ASTN2: variants seen among roughly 807,000 people sequenced by gnomAD.
The protein encoded by ASTN2 is astrotactin-2.
ASTN2 carries 54 observed loss-of-function variants against 139.8 expected under a neutral mutation model. The observed-to-expected ratio is 0.39, with a 90% confidence interval of 0.31 to 0.48. The LOEUF (loss-of-function observed/expected upper bound fraction) is 0.48, where lower values mean the gene tolerates loss of function less well. ASTN2 is among the 20% of genes least tolerant of loss of function. ASTN2 has a pLI of 0.95. For synonymous variants in ASTN2, 756 were observed against 719.5 expected (o/e 1.05, Z -0.81); for missense variants, 1,565 against 1,725.1 (o/e 0.91, Z 1.64).
intron 10 of ASTN2, among the ~76,000 whole-genome samples, chr9:116,974,109 G>A (rs1928988): frequency 0.018 from 2,813 of 152,212 alleles, 98 homozygotes; most frequent in African/African-American, 0.065. Flanking sequence ...GAGCCAATAA[G>A]CTGTGTACAA....
At chr9:117,403,012 C>A (rs1310812084) in intron 1 of ASTN2, among the ~76,000 whole-genome samples, 1 of 152,164 alleles carries the variant, frequency 6.6e-6, no homozygotes, top group African/African-American at 2.4e-5. Flanking sequence ...AGGCTAGAGC[C>A]TCGAGGGAGG....
chr9:116,506,570 C>T (rs1487202961), intron 19 of ASTN2, among the ~76,000 whole-genome samples: 1 of 152,042 alleles, frequency 6.6e-6, no homozygotes, highest in South Asian at 2.1e-4. Flanking sequence ...AGCTCTGGCC[C>T]TCATCTGGGA....
At chr9:116,581,008 T>C (rs1853927069) in intron 19 of ASTN2, among the ~76,000 whole-genome samples, 1 of 152,092 alleles carries the variant, frequency 6.6e-6, no homozygotes, top group Admixed American at 6.5e-5. Context: ...TACAAGTGAA[T>C]TGAAGTTTTG....
In ASTN2 at chr9:117,038,849, T is replaced by C. The variant is rs1220300894; in HGVS notation, c.1423+970A>G. Among the ~76,000 whole-genome samples, 3 of 152,158 alleles carry C rather than the reference T, an allele frequency of 2.0e-5. No individual in the cohort carries two copies. The East Asian group carries it at 5.8e-4, about 29-fold the overall frequency. ...TAGATAGTAACCACCTTAATCAGGG[T>C]CTTGGACCATGCTTTGCTAATGACT... On this transcript the variant is annotated intron_variant, in intron 6 of 22. Coordinates refer to ENST00000313400, the MANE Select transcript of ASTN2 (RefSeq NM_001365068.1).
chr9:117,336,404 A>T (rs1270642334), intron 1 of ASTN2, among the ~76,000 whole-genome samples: 1 of 152,142 alleles, frequency 6.6e-6, no homozygotes, highest in African/African-American at 2.4e-5. Flanking sequence ...GAAAAGGGGA[A>T]GTCAGGGCTT....
intron 16 of ASTN2, among the ~76,000 whole-genome samples, chr9:116,676,128 T>C (rs1238187589): frequency 3.9e-5 from 6 of 152,050 alleles, no homozygotes; most frequent in Admixed American, 3.9e-4. Flanking sequence ...GAGAACAGGG[T>C]CACGAGAAGC....
chr9:116,502,163 G>A (rs1192896741), intron 19 of ASTN2, among the ~76,000 whole-genome samples: 2 of 149,216 alleles, frequency 1.3e-5, no homozygotes, highest in Non-Finnish European at 3.0e-5. Flanking sequence ...GTGTGTATGT[G>A]TATGCATGCA....
chr9:116,752,981 T>C (rs1052949704), intron 13 of ASTN2, among the ~76,000 whole-genome samples: 1 of 152,216 alleles, frequency 6.6e-6, no homozygotes, highest in Non-Finnish European at 1.5e-5. Context: ...TAAACAGTCT[T>C]ACCACGAAAT....
At chr9:116,884,946 G>T (rs1026647226) in intron 10 of ASTN2, among the ~76,000 whole-genome samples, 1 of 151,732 alleles carries the variant, frequency 6.6e-6, no homozygotes, top group African/African-American at 2.4e-5. Flanking sequence ...CTCCTGAGTA[G>T]CTGGGATTAC....
chr9:116,645,336 T>A (rs1857535759), intron 17 of ASTN2, among the ~76,000 whole-genome samples: 1 of 152,198 alleles, frequency 6.6e-6, no homozygotes, highest in African/African-American at 2.4e-5. Context: ...TATGCATTAA[T>A]CAAATTATTC....
chr9:116,790,971 G>GA (rs368960341), intron 13 of ASTN2, among the ~76,000 whole-genome samples: 276 of 16,016 alleles, frequency 0.017, no homozygotes, highest in South Asian at 0.022. Flanking sequence ...AAGAAGGAAA[G>GA]AAAGAAAGAA....
At chr9:117,061,766 A>G (rs1178610115) in intron 5 of ASTN2, among the ~76,000 whole-genome samples, 2 of 152,178 alleles carry the variant, frequency 1.3e-5, no homozygotes, top group Admixed American at 6.6e-5. Context: ...GAAGAGGGAG[A>G]GAAGGCTCTC....
chr9:116,445,107 T>C lies in ASTN2; in HGVS notation c.3498-2554A>G, dbSNP rs114004128. Among the ~76,000 whole-genome samples the C allele has an allele frequency of 6.2e-3, 945 of 152,272 alleles. 10 individuals carry two copies. Among genetic ancestry groups the C allele is most frequent in the African/African-American group, 0.02 (838 of 41,554 alleles). On this transcript the variant is annotated intron_variant, in intron 20 of 22. Coordinates refer to ENST00000313400, the MANE Select transcript of ASTN2 (RefSeq NM_001365068.1). The stretch of plus-strand genomic sequence containing the variant: ...ACTTCGGCTTGGGTACAGCTATATG[T>C]TAAATGACAACAAGTCATTTAACAC...
chr9:116,427,229 T>G (rs1013743261), intron 22 of ASTN2, among the ~76,000 whole-genome samples: 1 of 152,132 alleles, frequency 6.6e-6, no homozygotes, highest in African/African-American at 2.4e-5. Context: ...GTAGCACCCT[T>G]GCCCCGGTCG....
chr9:117,112,121 A>G (rs1428223939), intron 4 of ASTN2, among the ~76,000 whole-genome samples: 15 of 152,078 alleles, frequency 9.9e-5, no homozygotes, highest in Non-Finnish European at 1.5e-5. Context: ...ACAATGTAAC[A>G]CTGTCAAGAT....
intron 4 of ASTN2, among the ~76,000 whole-genome samples, chr9:117,139,392 T>C (rs1830022333): frequency 6.6e-6 from 1 of 152,160 alleles, no homozygotes; most frequent in Non-Finnish European, 1.5e-5. Context: ...GTCATGCAAG[T>C]TAAAACTGAC....
intron 10 of ASTN2, among the ~76,000 whole-genome samples, chr9:116,869,384 C>T (rs1833096892): frequency 6.6e-6 from 1 of 152,182 alleles, no homozygotes; most frequent in African/African-American, 2.4e-5. Flanking sequence ...CTCACATTCG[C>T]ATGGTAGGAC....
chr9:116,952,020 G>T (rs1180481225), intron 10 of ASTN2, among the ~76,000 whole-genome samples: 1 of 152,090 alleles, frequency 6.6e-6, no homozygotes, highest in African/African-American at 2.4e-5. Flanking sequence ...AAAGCCTGTG[G>T]GTTGTGCCAC....
chr9:116,694,140 G>A (rs1178637887), intron 16 of ASTN2, among the ~76,000 whole-genome samples: 1 of 152,120 alleles, frequency 6.6e-6, no homozygotes, highest in Non-Finnish European at 1.5e-5. Flanking sequence ...TGGGGATGTG[G>A]GCATAGTAAA....
Sources: gnomAD v4.1 joint callset for allele counts (sites outside exome capture counted in the v4.1 genomes callset) on GRCh38, gnomAD v4.1.1 for gene constraint, MANE v1.5 for transcripts, NCBI Gene and HGNC (gene_info 2026-07-23, HGNC 2026-07-21) for gene names.